S100A8: variants seen among roughly 807,000 people sequenced by gnomAD.
The protein encoded by S100A8 is protein S100-A8.
A neutral mutation model predicts 4.2 loss-of-function variants in S100A8; 1 was observed. The observed-to-expected ratio is 0.24, with a 90% CI of 0.08 to 1.12. The LOEUF (loss-of-function observed/expected upper bound fraction) is 1.12, where lower values mean the gene tolerates loss of function less well. S100A8 is among the 50% of genes most tolerant of loss of function. The probability of loss-of-function intolerance (pLI) is 0.53; values close to 1 mark genes in which losing one functional copy is unlikely to be tolerated. For missense variants in S100A8, 96 were observed against 111.8 expected (o/e 0.86, Z 0.64); for synonymous variants, 41 against 44.7 (o/e 0.92, Z 0.33).
the S100A8 span, among the ~76,000 whole-genome samples, chr1:153,404,230 G>C: frequency 0.14 from 21,787 of 152,096 alleles, 1,766 homozygotes; most frequent in African/African-American, 0.23. Context: ...GAACCCCATC[G>C]TTTGGGGTTT....
chr1:153,405,354 C>A, the S100A8 span, among the ~76,000 whole-genome samples: 1 of 150,102 alleles, frequency 6.7e-6, no homozygotes, highest in Non-Finnish European at 1.5e-5. Flanking sequence ...GTCCAAACTG[C>A]ACCATTTTGT....
the S100A8 span, among the ~76,000 whole-genome samples, chr1:153,410,810 A>T: frequency 1.3e-5 from 2 of 152,148 alleles, no homozygotes; most frequent in East Asian, 1.9e-4. Flanking sequence ...AATCCCTGGG[A>T]TGCAAGGATT....
the S100A8 span, chr1:153,419,487 G>T: frequency 1.4e-6 from 1 of 694,318 alleles, no homozygotes; most frequent in Non-Finnish European, 2.4e-6. Context: ...CAGGAGTAAT[G>T]TCCCTCCAGC....
At chr1:153,393,899 A>T (rs914940761), upstream of S100A8, among the ~76,000 whole-genome samples, 1 of 152,170 alleles carries the variant, frequency 6.6e-6, no homozygotes, top group Non-Finnish European at 1.5e-5. Flanking sequence ...CCAGTGAGGG[A>T]GTCCTGAGTG....
At chr1:153,410,151 G>A in the S100A8 span, among the ~76,000 whole-genome samples, 1 of 152,110 alleles carries the variant, frequency 6.6e-6, no homozygotes, top group South Asian at 2.1e-4. Flanking sequence ...GAAGGAGATA[G>A]AGACACAAAA....
At chr1:153,391,745 G>A (rs1172471381), upstream of S100A8, among the ~76,000 whole-genome samples, 2 of 152,194 alleles carry the variant, frequency 1.3e-5, no homozygotes, top group Admixed American at 6.5e-5. Context: ...TGCCCTGGGA[G>A]ATGGAGGCTG....
At chr1:153,396,430 T>A in the S100A8 span, among the ~76,000 whole-genome samples, 7 of 152,392 alleles carry the variant, frequency 4.6e-5, no homozygotes, top group East Asian at 1.2e-3. Flanking sequence ...TTATTCTCTC[T>A]CACATTGATG....
At chr1:153,390,295 C>T (rs763499598) in intron 2 of S100A8, 52 bp from the exon 3 acceptor site, 22 of 1,601,842 alleles carry the variant, frequency 1.4e-5, no homozygotes, top group South Asian at 6.6e-5. Flanking sequence ...CAGAGAGAGC[C>T]GAGGCATAGC....
At chr1:153,394,534 G>A (rs1479426694), upstream of S100A8, among the ~76,000 whole-genome samples, 1 of 152,168 alleles carries the variant, frequency 6.6e-6, no homozygotes, top group Non-Finnish European at 1.5e-5. Flanking sequence ...GGACACTGAG[G>A]TCCTGTCTCG....
the S100A8 span, among the ~76,000 whole-genome samples, chr1:153,406,746 A>T: frequency 6.6e-6 from 1 of 152,080 alleles, no homozygotes; most frequent in Non-Finnish European, 1.5e-5. Flanking sequence ...CCTGTTCACA[A>T]TCAGCCTGTT....
At chr1:153,413,023 T>C in the S100A8 span, among the ~76,000 whole-genome samples, 6 of 152,176 alleles carry the variant, frequency 3.9e-5, no homozygotes, top group African/African-American at 1.4e-4. Context: ...TTAGGAGATA[T>C]ACCTAATGTA....
chr1:153,417,499 C>T, the S100A8 span, among the ~76,000 whole-genome samples: 1 of 152,196 alleles, frequency 6.6e-6, no homozygotes, highest in African/African-American at 2.4e-5. Context: ...GGCTGTGTTT[C>T]CTGCTCACAC....
chr1:153,390,922 A>G (rs772863963), intron 1 of S100A8, 119 bp downstream of exon 1: 4 of 719,546 alleles, frequency 5.6e-6, no homozygotes, highest in Non-Finnish European at 6.9e-6. Context: ...CTCCAGGAGT[A>G]TCTTTGCTCC....
At chr1:153,401,785 A>G in the S100A8 span, among the ~76,000 whole-genome samples, 3 of 152,238 alleles carry the variant, frequency 2.0e-5, no homozygotes, top group Non-Finnish European at 4.4e-5. Context: ...GTGGTGGTGA[A>G]GAGGATCAAG....
chr1:153,394,927 G>A (rs988838085), upstream of S100A8, among the ~76,000 whole-genome samples: 6 of 152,142 alleles, frequency 3.9e-5, no homozygotes, highest in African/African-American at 1.4e-4. Context: ...GTAAGCTCAG[G>A]ACACCGGTTC....
the S100A8 span, chr1:153,421,228 T>C: frequency 1.3e-5 from 2 of 152,222 alleles, no homozygotes; most frequent in Admixed American, 1.3e-4. Flanking sequence ...AGGCTGAGCT[T>C]TAATGTCAGT....
Position 153,390,513 on chromosome 1 carries a change from G to A in S100A8, c.23C>T (p.Ala8Val). The A allele has an allele frequency of 1.2e-6, 2 of 1,614,174 alleles. No individual in the cohort carries two copies. Among genetic ancestry groups the A allele is most frequent in the Non-Finnish European group, 1.7e-6 (2 of 1,180,034 alleles). Residue 8 changes from alanine (A) to valine (V), a missense_variant, in exon 2 of 3, where the codon GCC (alanine) becomes GTC (valine). Coordinates refer to ENST00000368733, the MANE Select transcript of S100A8 (RefSeq NM_002964.5). MLTELEK[A>V]LNSIIDVYHK... ...GTAGACGTCGATGATAGAGTTCAAG[G>A]CTTTCTCCAGCTCGGTCAACATGAT...
upstream of S100A8, among the ~76,000 whole-genome samples, chr1:153,395,107 C>T (rs1662185095): frequency 6.6e-6 from 1 of 152,088 alleles, no homozygotes; most frequent in Non-Finnish European, 1.5e-5. Context: ...TGGGTGGGGT[C>T]AGGGATACCG....
At chr1:153,393,572 C>T (rs1242110817), upstream of S100A8, among the ~76,000 whole-genome samples, 1 of 152,176 alleles carries the variant, frequency 6.6e-6, no homozygotes, top group Non-Finnish European at 1.5e-5. Flanking sequence ...ATTCATCAAA[C>T]AAATGCAGTC....
Sources: allele counts gnomAD v4.1 joint callset (sites outside exome capture counted in the v4.1 genomes callset), GRCh38; gene constraint gnomAD v4.1.1; transcripts MANE v1.5; gene names NCBI Gene and HGNC (gene_info 2026-07-23, HGNC 2026-07-21).